Variants in BAZ2B observed in about 807,000 individuals in gnomAD.
BAZ2B encodes the protein bromodomain adjacent to zinc finger domain protein 2B.
In BAZ2B, 91 loss-of-function variants were observed where a neutral mutation model predicts 246.0. The ratio of observed to expected loss-of-function variants is 0.37; its 90% CI spans 0.31 to 0.44. The LOEUF is 0.44. BAZ2B is among the 20% of genes least tolerant of loss of function. The pLI is 1.00. For missense variants in BAZ2B, 2,332 were observed against 2,533.7 expected (o/e 0.92, Z 1.71); for synonymous variants, 855 against 860.0 (o/e 0.99, Z 0.10).
intron 21 of BAZ2B, among the ~76,000 whole-genome samples, chr2:159,388,007 C>T (rs2062838630): frequency 6.6e-6 from 1 of 151,894 alleles, no homozygotes; most frequent in Non-Finnish European, 1.5e-5. Context: ...TTTCTTTAAG[C>T]ACTTTAGAAA....
chr2:159,496,040 A>G (rs1482186812), intron 2 of BAZ2B, among the ~76,000 whole-genome samples: 9 of 148,570 alleles, frequency 6.1e-5, no homozygotes, highest in Non-Finnish European at 8.9e-5. Context: ...AAGTGCTGGG[A>G]TTACAGGCAT....
At chr2:159,627,183 A>G in the BAZ2B span, among the ~76,000 whole-genome samples, 1 of 152,158 alleles carries the variant, frequency 6.6e-6, no homozygotes, top group Non-Finnish European at 1.5e-5. Flanking sequence ...TTAATATCCT[A>G]CCACACAAAA....
At chr2:159,658,334 A>G in the BAZ2B span, among the ~76,000 whole-genome samples, 2 of 151,614 alleles carry the variant, frequency 1.3e-5, no homozygotes, top group African/African-American at 2.4e-5. Context: ...TATTTAGTAG[A>G]AAAAAAACAT....
chr2:159,423,341 C>T (rs1235578139), intron 13 of BAZ2B, among the ~76,000 whole-genome samples: 1 of 88,742 alleles, frequency 1.1e-5, no homozygotes, highest in South Asian at 3.0e-4. Context: ...AAAAGAATGG[C>T]TATTATTAAA....
chr2:159,511,298 G>A (rs2082892987), intron 2 of BAZ2B, among the ~76,000 whole-genome samples: 1 of 151,982 alleles, frequency 6.6e-6, no homozygotes, highest in Non-Finnish European at 1.5e-5. Context: ...CTGCCTCCTG[G>A]GTTCAAGTGA....
chr2:159,450,111 A>C (rs1484030740), intron 4 of BAZ2B, among the ~76,000 whole-genome samples: 1 of 152,236 alleles, frequency 6.6e-6, no homozygotes, highest in East Asian at 1.9e-4. Flanking sequence ...CTTTGTAAAC[A>C]ACCAAAAAAT....
chr2:159,680,171 T>A, the BAZ2B span, among the ~76,000 whole-genome samples: 1 of 152,196 alleles, frequency 6.6e-6, no homozygotes, highest in Non-Finnish European at 1.5e-5. Context: ...AAATCCAATG[T>A]ATACAAGAGA....
chr2:159,324,908 G>T lies in BAZ2B; in HGVS notation c.6256C>A (p.Leu2086Ile), dbSNP rs1226362424. ...ACAAGTTTCAAGTTTACAGGAAGTA[G>T]AAAAGGCCATGCATCCTCATGAGTT... ...METHEDAWPF[L>I]LPVNLKLVPG... The change falls in exon 36 of 37, where the codon CTA becomes ATA. Residue 2086 changes from leucine to isoleucine, a missense_variant. Coordinates refer to ENST00000392783, the MANE Select transcript of BAZ2B (RefSeq NM_013450.4). The T allele has an allele frequency of 6.4e-7, 1 of 1,559,324 alleles. No individual in the cohort carries two copies. Among genetic ancestry groups the T allele is most frequent in the Non-Finnish European group, 8.6e-7 (1 of 1,160,820 alleles).
At chr2:159,509,796 C>T (rs148255676) in intron 2 of BAZ2B, among the ~76,000 whole-genome samples, 292 of 151,938 alleles carry the variant, frequency 1.9e-3, no homozygotes, top group African/African-American at 6.9e-3. Context: ...TATATATGTA[C>T]ATTTGTATAT....
intron 20 of BAZ2B, among the ~76,000 whole-genome samples, chr2:159,390,086 T>C (rs1051907387): frequency 1.3e-5 from 2 of 152,116 alleles, no homozygotes; most frequent in Admixed American, 6.6e-5. Context: ...TATAATACCA[T>C]TATCGTTACT....
the BAZ2B span, among the ~76,000 whole-genome samples, chr2:159,624,990 CT>C: frequency 2.0e-5 from 3 of 152,010 alleles, no homozygotes; most frequent in African/African-American, 7.2e-5. Flanking sequence ...CGTAAATGAT[CT>C]GATGGAACTG....
chr2:159,570,096 T>C (rs1003726546), intron 1 of BAZ2B, among the ~76,000 whole-genome samples: 26 of 152,184 alleles, frequency 1.7e-4, no homozygotes, highest in African/African-American at 6.3e-4. Context: ...GATTCTTATC[T>C]ATGGTTTAAA....
At chr2:159,400,559 G>T (rs751018101) in intron 17 of BAZ2B, 40 bp downstream of exon 17, 288 of 1,245,334 alleles carry the variant, frequency 2.3e-4, no homozygotes, top group Non-Finnish European at 3.0e-4. Flanking sequence ...AAAAATATAT[G>T]GCTAAATTAC....
chr2:159,362,777 G>A (rs927338950), intron 27 of BAZ2B, among the ~76,000 whole-genome samples: 18 of 152,150 alleles, frequency 1.2e-4, no homozygotes, highest in Admixed American at 7.9e-4. Flanking sequence ...GTTTCCAGTG[G>A]CTTGAAATTA....
At chr2:159,505,450 A>G (rs1456934813) in intron 2 of BAZ2B, among the ~76,000 whole-genome samples, 1 of 152,204 alleles carries the variant, frequency 6.6e-6, no homozygotes, top group Non-Finnish European at 1.5e-5. Flanking sequence ...GCCCTCCAGA[A>G]GATTCCAAGG....
chr2:159,705,266 C>A, the BAZ2B span, among the ~76,000 whole-genome samples: 1 of 151,962 alleles, frequency 6.6e-6, no homozygotes, highest in East Asian at 1.9e-4. Flanking sequence ...AAGTAGTCTG[C>A]CCACCTCAGC....
the BAZ2B span, among the ~76,000 whole-genome samples, chr2:159,649,084 A>G: frequency 3.3e-5 from 5 of 152,160 alleles, no homozygotes; most frequent in African/African-American, 1.2e-4. Context: ...GATGTTGAGC[A>G]TTTTTATATG....
intron 2 of BAZ2B, among the ~76,000 whole-genome samples, chr2:159,506,686 ATC>A (rs2082362322): frequency 6.6e-6 from 1 of 152,218 alleles, no homozygotes; most frequent in Non-Finnish European, 1.5e-5. Context: ...AAACTGTGTT[ATC>A]TATAAGAATA....
intron 8 of BAZ2B, 199 bp downstream of exon 8, chr2:159,438,103 CA>C (rs1349786436): frequency 5.6e-6 from 3 of 534,406 alleles, no homozygotes; most frequent in East Asian, 7.1e-5. Flanking sequence ...ATTGCATTGC[CA>C]AAAATACATT....
Sources: allele counts gnomAD v4.1 joint callset (sites outside exome capture counted in the v4.1 genomes callset), GRCh38; gene constraint gnomAD v4.1.1; transcripts MANE v1.5; gene names NCBI Gene and HGNC (gene_info 2026-07-23, HGNC 2026-07-21).